GPC6: variants seen among roughly 807,000 people sequenced by gnomAD.
GPC6 encodes glypican 6.
Under a neutral mutation model 55.2 loss-of-function variants are expected in GPC6, and 14 were observed. That is an observed-to-expected ratio of 0.25 (90% CI 0.17 to 0.40). The LOEUF is 0.40. Among genes scored for constraint, GPC6 ranks in the 10% least tolerant of loss-of-function variants. The pLI is 1.00. For missense variants in GPC6, 641 were observed against 708.5 expected (o/e 0.90, Z 1.08); for synonymous variants, 278 against 259.6 (o/e 1.07, Z -0.68).
At chr13:93,543,792 A>G (rs2139431368) in intron 1 of GPC6, among the ~76,000 whole-genome samples, 1 of 152,230 alleles carries the variant, frequency 6.6e-6, no homozygotes, top group South Asian at 2.1e-4. Context: ...ATGGGATGCA[A>G]ACGTCTCTTT....
intron 4 of GPC6, among the ~76,000 whole-genome samples, chr13:94,270,820 T>A (rs1891969888): frequency 6.6e-6 from 1 of 152,136 alleles, no homozygotes; most frequent in South Asian, 2.1e-4. Context: ...TGGGAAGTTC[T>A]GAAAGAGTCC....
Position 94,382,533 on chromosome 13 carries a change from C to T in GPC6, c.1272C>T (p.Asn424=), listed in dbSNP as rs200389469. The T allele has an allele frequency of 1.8e-3, 2,985 of 1,614,114 alleles. 60 individuals carry two copies. In the South Asian group the frequency reaches 0.029, roughly 16 times the overall value. The change falls in exon 7 of 9, where the codon AAC becomes AAT. Residue 424 remains asparagine (N), a synonymous_variant. Transcript: ENST00000377047. The stretch of plus-strand genomic sequence containing the variant: ...CGTCCAACGAGGAGGAATGCTGGAA[C>T]GGGCACAGCAAAGCCAGGTGAGGGT... ...AGTSNEEECW[N]GHSKARYLPE...
intron 2 of GPC6, among the ~76,000 whole-genome samples, chr13:93,711,678 A>G (rs1480599902): frequency 6.6e-6 from 1 of 151,740 alleles, no homozygotes; most frequent in Non-Finnish European, 1.5e-5. Flanking sequence ...GATTAAGTCA[A>G]ACCAAGAGTC....
At chr13:93,976,959 T>C (rs1210117343) in intron 3 of GPC6, among the ~76,000 whole-genome samples, 2 of 152,128 alleles carry the variant, frequency 1.3e-5, no homozygotes, top group Non-Finnish European at 2.9e-5. Context: ...TTTAATTATC[T>C]CTAATAGCAT....
At chr13:93,551,253 T>C (rs1212897828) in intron 2 of GPC6, among the ~76,000 whole-genome samples, 3 of 152,068 alleles carry the variant, frequency 2.0e-5, no homozygotes, top group East Asian at 3.9e-4. Context: ...ATCTGTTAGA[T>C]AGATATTCTA....
intron 2 of GPC6, among the ~76,000 whole-genome samples, chr13:93,717,984 C>T (rs563571244): frequency 6.6e-6 from 1 of 151,932 alleles, no homozygotes; most frequent in African/African-American, 2.4e-5. Flanking sequence ...TATATATGTG[C>T]CACATTTTCT....
chr13:93,940,431 T>C (rs1348724358), intron 3 of GPC6, among the ~76,000 whole-genome samples: 1 of 151,750 alleles, frequency 6.6e-6, no homozygotes, highest in East Asian at 1.9e-4. Context: ...GATGGATGGA[T>C]GGATGGATGG....
At chr13:93,279,020 A>G (rs1355200751) in intron 1 of GPC6, among the ~76,000 whole-genome samples, 1 of 152,266 alleles carries the variant, frequency 6.6e-6, no homozygotes, top group Non-Finnish European at 1.5e-5. Flanking sequence ...ACGAAATATG[A>G]TATATTTTTA....
At chr13:93,640,680 C>G (rs1399277862) in intron 2 of GPC6, among the ~76,000 whole-genome samples, 1 of 149,624 alleles carries the variant, frequency 6.7e-6, no homozygotes, top group Non-Finnish European at 1.5e-5. Flanking sequence ...TTTTCTCCCT[C>G]CCTCCCCGCT....
intron 1 of GPC6, among the ~76,000 whole-genome samples, chr13:93,251,698 A>G (rs1876791927): frequency 6.6e-6 from 1 of 152,134 alleles, no homozygotes; most frequent in African/African-American, 2.4e-5. Flanking sequence ...CCATTCCTTC[A>G]TGACATGTGG....
At chr13:93,541,947 C>T (rs370793643) in intron 1 of GPC6, among the ~76,000 whole-genome samples, 63 of 152,100 alleles carry the variant, frequency 4.1e-4, no homozygotes, top group Non-Finnish European at 7.5e-4. Context: ...GAGTAGGTTG[C>T]GAAAATTTTT....
chr13:93,421,700 G>A (rs1183557781), intron 1 of GPC6, among the ~76,000 whole-genome samples: 2 of 151,934 alleles, frequency 1.3e-5, no homozygotes, highest in African/African-American at 4.8e-5. Context: ...TTTAATGGAA[G>A]CAGGTGGAAA....
At chr13:93,609,965 T>G (rs1878398025) in intron 2 of GPC6, among the ~76,000 whole-genome samples, 1 of 152,192 alleles carries the variant, frequency 6.6e-6, no homozygotes, top group African/African-American at 2.4e-5. Flanking sequence ...ATTCAGTACC[T>G]CCCTGCCTTT....
chr13:94,101,113 CT>C (rs1412309686), intron 4 of GPC6, among the ~76,000 whole-genome samples: 2 of 152,220 alleles, frequency 1.3e-5, no homozygotes, highest in Non-Finnish European at 2.9e-5. Flanking sequence ...GCTTCTCTTT[CT>C]TTCTGCCCAT....
chr13:93,518,915 G>A (rs1266642031), intron 1 of GPC6, among the ~76,000 whole-genome samples: 2 of 151,850 alleles, frequency 1.3e-5, no homozygotes, highest in East Asian at 3.9e-4. Context: ...AGGTCAGTAG[G>A]CCGTACCTAG....
At chr13:93,560,717 G>A (rs1410074513) in intron 2 of GPC6, among the ~76,000 whole-genome samples, 1 of 148,626 alleles carries the variant, frequency 6.7e-6, no homozygotes. Context: ...TATGAGCCGA[G>A]ATCATGACAC....
intron 1 of GPC6, among the ~76,000 whole-genome samples, chr13:93,263,874 G>A (rs1877235372): frequency 6.6e-6 from 1 of 152,210 alleles, no homozygotes; most frequent in African/African-American, 2.4e-5. Context: ...CAGGCACTGA[G>A]CATTTTGGTT....
chr13:94,130,870 T>C (rs562193454), intron 4 of GPC6, among the ~76,000 whole-genome samples: 1 of 152,296 alleles, frequency 6.6e-6, no homozygotes, highest in East Asian at 1.9e-4. Flanking sequence ...AGGCTGTTTT[T>C]ATAACATATG....
chr13:94,245,102 A>C (rs561032849), intron 4 of GPC6, among the ~76,000 whole-genome samples: 1 of 152,070 alleles, frequency 6.6e-6, no homozygotes, highest in East Asian at 1.9e-4. Flanking sequence ...CATATTGTAC[A>C]TTAGACCTTT....
Sources: gnomAD v4.1 joint callset for allele counts (sites outside exome capture counted in the v4.1 genomes callset) on GRCh38, gnomAD v4.1.1 for gene constraint, MANE v1.5 for transcripts, NCBI Gene and HGNC (gene_info 2026-07-23, HGNC 2026-07-21) for gene names.